The following TMC3 variants were observed in gnomAD, a reference collection of about 807,000 sequenced individuals.
TMC3 encodes transmembrane channel-like protein 3.
In TMC3, 98 loss-of-function variants were observed where a neutral mutation model predicts 110.6. That is an observed-to-expected ratio of 0.89 (90% CI 0.75 to 1.05). The LOEUF (loss-of-function observed/expected upper bound fraction) is 1.05. Ranked by LOEUF, TMC3 falls within the 50% of genes least tolerant of loss-of-function variation. The pLI is 0.00. For synonymous variants in TMC3, 489 were observed against 513.1 expected, an observed-to-expected ratio of 0.95 and a Z score of 0.63; for missense variants, 1,319 against 1,373.2, an observed-to-expected ratio of 0.96 and a Z score of 0.62.
intron 2 of TMC3, among the ~76,000 whole-genome samples, chr15:81,371,999 A>G (rs1200586703): frequency 6.6e-6 from 1 of 152,198 alleles, no homozygotes; most frequent in East Asian, 1.9e-4. Flanking sequence ...AAATTGGTAA[A>G]GGCAGTATTT....
At chr15:81,350,003 T>C (rs8039003) in intron 10 of TMC3, among the ~76,000 whole-genome samples, 22,071 of 148,376 alleles carry the variant, frequency 0.15, 3,230 homozygotes, top group African/African-American at 0.39. Flanking sequence ...TCCCAACTCA[T>C]TGGGAGGCTG....
intron 11 of TMC3, among the ~76,000 whole-genome samples, chr15:81,347,955 C>A (rs1263991150): frequency 6.6e-6 from 1 of 152,228 alleles, no homozygotes; most frequent in African/African-American, 2.4e-5. Flanking sequence ...ACTCCATGCT[C>A]TTCCTAGTCA....
rs763151812 is a variant in TMC3 at position 81,334,755 on chromosome 15, C to T, written c.2424G>A (p.Gly808=). Residue 808 remains glycine (G), a synonymous_variant, in exon 21 of 22, where the codon GGG becomes GGA. Coordinates refer to ENST00000359440, the MANE Select transcript of TMC3 (RefSeq NM_001080532.3). The part of the protein sequence containing the change: ...GDRAPSSPLP[G]VPKSRLEHET... ...CATGCTCTAGCCTGGATTTGGGGACCCCAGGGAGAGGTGAGCTAGGAGCCC... is the reference window on the plus strand; with the variant it reads ...CATGCTCTAGCCTGGATTTGGGGACTCCAGGGAGAGGTGAGCTAGGAGCCC... 2 of 1,613,952 alleles carry T rather than the reference C, an allele frequency of 1.2e-6. No homozygotes were observed. Among genetic ancestry groups the T allele is most frequent in the Non-Finnish European group, 1.7e-6 (2 of 1,179,880 alleles).
Position 81,333,163 on chromosome 15 carries a change from T to G in TMC3, c.2559A>C (p.Glu853Asp). The stretch of plus-strand genomic sequence containing the variant: ...GCTGAAAGTCTTTTCGGAAAAGAGG[T>G]TCTGAGTGTACATCTTCGATGTGCG... ...FTTHIEDVHS[E>D]PLFRKDFQQI... Residue 853 changes from glutamate to aspartate, a missense_variant, in exon 22 of 22, where the codon GAA (glutamate) becomes GAC (aspartate). Physicochemically the swap from Glu to Asp is conservative, Grantham distance 45 (BLOSUM62 2). Coordinates refer to ENST00000359440, the MANE Select transcript of TMC3 (RefSeq NM_001080532.3). 5 of 1,613,756 alleles carry G rather than the reference T, an allele frequency of 3.1e-6. No homozygotes were observed. The highest frequency in any genetic ancestry group is 3.4e-6 in the Non-Finnish European group (4 of 1,179,834).
chr15:81,352,701 T>C (rs1046771927), intron 9 of TMC3, among the ~76,000 whole-genome samples: 19 of 152,244 alleles, frequency 1.2e-4, no homozygotes, highest in African/African-American at 4.3e-4. Flanking sequence ...GTGCGTGTTA[T>C]GGCCCCGAAG....
At chr15:81,364,173 AC>A (rs1894253735) in intron 3 of TMC3, among the ~76,000 whole-genome samples, 2 of 151,984 alleles carry the variant, frequency 1.3e-5, no homozygotes, top group African/African-American at 2.4e-5. Flanking sequence ...AATCTCCCCC[AC>A]CACCCCATCA....
chr15:81,340,098 G>A (rs909101466), intron 16 of TMC3, among the ~76,000 whole-genome samples: 3 of 152,158 alleles, frequency 2.0e-5, no homozygotes, highest in African/African-American at 7.2e-5. Context: ...GCTCCCCTGA[G>A]GGCAGCTTAG....
chr15:81,367,995 C>T (rs6495570), intron 3 of TMC3, among the ~76,000 whole-genome samples: 54,494 of 151,848 alleles, frequency 0.36, 11,483 homozygotes, highest in African/African-American at 0.56. Context: ...AGTGCAGTGG[C>T]GTGATCTCGG....
chr15:81,368,912 T>G (rs1894375277), intron 2 of TMC3, among the ~76,000 whole-genome samples: 1 of 118,588 alleles, frequency 8.4e-6, no homozygotes, highest in Non-Finnish European at 1.6e-5. Context: ...GAAAATGGAC[T>G]AAATATAATT....
chr15:81,354,527 C>CTGGG (rs1894017015), intron 9 of TMC3, among the ~76,000 whole-genome samples: 1 of 152,210 alleles, frequency 6.6e-6, no homozygotes, highest in Non-Finnish European at 1.5e-5. Flanking sequence ...TGTGTGTTGA[C>CTGGG]TGGGATCTTG....
intron 9 of TMC3, among the ~76,000 whole-genome samples, chr15:81,355,164 A>G (rs1468012430): frequency 6.6e-6 from 1 of 152,152 alleles, no homozygotes; most frequent in Non-Finnish European, 1.5e-5. Flanking sequence ...GCACTGTGGA[A>G]ACTAATCATG....
chr15:81,355,286 G>GA (rs1381747618), intron 9 of TMC3, among the ~76,000 whole-genome samples: 1 of 152,170 alleles, frequency 6.6e-6, no homozygotes, highest in Non-Finnish European at 1.5e-5. Context: ...TTCTCTGTTT[G>GA]AAGGGCTTCA....
chr15:81,343,229 T>C, intron 15 of TMC3, 49 bp downstream of exon 15: 1 of 1,199,156 alleles, frequency 8.3e-7, no homozygotes, highest in Non-Finnish European at 1.2e-6. Flanking sequence ...ATTAAAATCT[T>C]AGCCCAGATG....
At chr15:81,343,751 A>T (rs1394737451) in intron 14 of TMC3, among the ~76,000 whole-genome samples, 166 bp downstream of exon 14, 2 of 152,074 alleles carry the variant, frequency 1.3e-5, no homozygotes, top group African/African-American at 4.8e-5. Context: ...CAGACAAAAA[A>T]AAAAAAAAGG....
At chr15:81,335,303 C>T (rs1249158428) in intron 20 of TMC3, among the ~76,000 whole-genome samples, 1 of 152,302 alleles carries the variant, frequency 6.6e-6, no homozygotes, top group East Asian at 1.9e-4. Flanking sequence ...ATAAAGCTTA[C>T]ACAACAATTA....
At chr15:81,344,354 C>T (rs770071150) in intron 13 of TMC3, among the ~76,000 whole-genome samples, 3 of 152,134 alleles carry the variant, frequency 2.0e-5, no homozygotes, top group Non-Finnish European at 4.4e-5. Context: ...GGCCAGTGAC[C>T]CATTTCCATG....
In TMC3 at chr15:81,339,402, C is replaced by A. The variant is rs1373682898; in HGVS notation, c.1947G>T (p.Gly649=). 6.2e-7 allele frequency: 1 copy of A among 1,609,138 alleles called. No homozygotes were observed. The highest frequency in any genetic ancestry group is 8.5e-7 in the Non-Finnish European group (1 of 1,177,622). Reference sequence around the variant, plus strand: ...CTGGGAACGAAACTTACCTGAATGGCCCACAGTTTAGAGATGGCTTGTATC... The same window carrying A: ...CTGGGAACGAAACTTACCTGAATGGACCACAGTTTAGAGATGGCTTGTATC... The part of the protein sequence containing the change: ...IVRYKPSLNC[G]PFSGQEKIYD... Residue 649 remains glycine, a synonymous_variant, in exon 17 of 22, where the codon GGG becomes GGT. Transcript: ENST00000359440.
intron 3 of TMC3, among the ~76,000 whole-genome samples, chr15:81,364,486 A>G (rs1379449788): frequency 7.1e-6 from 1 of 140,422 alleles, no homozygotes; most frequent in African/African-American, 2.7e-5. Context: ...GAACAATGAG[A>G]TCACATGGAC....
chr15:81,365,912 C>T (rs1024115825), intron 3 of TMC3, among the ~76,000 whole-genome samples: 1 of 151,936 alleles, frequency 6.6e-6, no homozygotes, highest in African/African-American at 2.4e-5. Context: ...TTGTGTTGAC[C>T]TATCAACATG....
Sources: gnomAD v4.1 joint callset for allele counts (sites outside exome capture counted in the v4.1 genomes callset) on GRCh38, gnomAD v4.1.1 for gene constraint, MANE v1.5 for transcripts, NCBI Gene and HGNC (gene_info 2026-07-23, HGNC 2026-07-21) for gene names.